The following BANK1 variants were observed in gnomAD, a reference collection of about 807,000 sequenced individuals.
BANK1 encodes B cell scaffold protein with ankyrin repeats 1.
BANK1 carries 95 observed loss-of-function variants against 94.5 expected under a neutral mutation model. That is an observed-to-expected ratio of 1.00 (90% CI 0.85 to 1.19). The LOEUF (loss-of-function observed/expected upper bound fraction) is 1.19. Among genes scored for constraint, BANK1 ranks in the 50% most tolerant of loss-of-function variants. BANK1 has a pLI of 0.00. For missense variants in BANK1, 987 were observed against 932.2 expected, an observed-to-expected ratio of 1.06 and a Z score of -0.77; for synonymous variants, 334 against 308.4, an observed-to-expected ratio of 1.08 and a Z score of -0.87.
At position 101,916,251 on chromosome 4, in the gene BANK1, G is replaced by A. The variant is rs376451607; in HGVS notation, c.1010-1742G>A. Among the ~76,000 whole-genome samples the A allele has an allele frequency of 6.6e-4, 100 of 152,134 alleles. No homozygotes were observed. In the South Asian group the frequency reaches 6.8e-3, roughly 10 times the overall value. Reference sequence around the variant, plus strand: ...CTTAAGAACCACAGATTTAGTGGCTGAGCTGGGATTAGAATGCAGATTTCC... The same window carrying A: ...CTTAAGAACCACAGATTTAGTGGCTAAGCTGGGATTAGAATGCAGATTTCC... On this transcript the variant is annotated intron_variant, in intron 6 of 16. Coordinates refer to ENST00000322953, the MANE Select transcript of BANK1 (RefSeq NM_017935.5).
intron 7 of BANK1, among the ~76,000 whole-genome samples, chr4:101,918,908 A>G (rs919652120): frequency 6.6e-6 from 1 of 151,986 alleles, no homozygotes; most frequent in Admixed American, 6.6e-5. Flanking sequence ...TCCAGAGAGT[A>G]TATTTAAAAT....
intron 6 of BANK1, among the ~76,000 whole-genome samples, chr4:101,908,577 G>A (rs1722548203): frequency 6.6e-6 from 1 of 152,148 alleles, no homozygotes; most frequent in Non-Finnish European, 1.5e-5. Flanking sequence ...AAACCAAAGA[G>A]CTTCTGCACA....
At chr4:101,947,128 G>A (rs1423504061) in intron 7 of BANK1, among the ~76,000 whole-genome samples, 1 of 151,370 alleles carries the variant, frequency 6.6e-6, no homozygotes, top group African/African-American at 2.4e-5. Context: ...AGTATTTGTG[G>A]AGAAATGTGT....
intron 2 of BANK1, among the ~76,000 whole-genome samples, chr4:101,852,126 C>T (rs1263522962): frequency 6.6e-6 from 1 of 151,910 alleles, no homozygotes; most frequent in Non-Finnish European, 1.5e-5. Context: ...TGAGAAACTC[C>T]TCAAAATTTG....
At chr4:101,910,113 G>T (rs910208227) in intron 6 of BANK1, among the ~76,000 whole-genome samples, 14 of 152,088 alleles carry the variant, frequency 9.2e-5, no homozygotes, top group Admixed American at 9.2e-4. Context: ...TCAAACTTTA[G>T]CAGGCTTCAG....
intron 9 of BANK1, among the ~76,000 whole-genome samples, chr4:102,026,961 G>T (rs1210081959): frequency 1.3e-5 from 2 of 152,010 alleles, no homozygotes; most frequent in African/African-American, 4.8e-5. Context: ...TGAAAGCTCT[G>T]AAGCCTAGTG....
intron 5 of BANK1, among the ~76,000 whole-genome samples, chr4:101,888,407 C>T (rs969538481): frequency 6.6e-6 from 1 of 152,180 alleles, no homozygotes; most frequent in African/African-American, 2.4e-5. Flanking sequence ...CTACCTCCCA[C>T]ACACATCACT....
At chr4:102,021,145 C>T (rs1195815405) in intron 7 of BANK1, among the ~76,000 whole-genome samples, 1 of 86,132 alleles carries the variant, frequency 1.2e-5, no homozygotes, top group Non-Finnish European at 2.4e-5. Context: ...ATCTTTTGAA[C>T]TGTAAAAGAT....
chr4:101,865,282 G>A lies in BANK1; in HGVS notation c.763+2618G>A, dbSNP rs1030169968. 5.3e-5 allele frequency among the ~76,000 whole-genome samples: 8 copies of A among 152,142 alleles called. No homozygotes were observed. In the South Asian group the frequency reaches 8.3e-4, roughly 16 times the overall value. On this transcript the variant is annotated intron_variant, in intron 4 of 16. Transcript: ENST00000322953. ...CAGAAGCCACTGGAGCCACAAACTAGTAGGAGCACTTAAGTGTTAATTTTG... is the reference window on the plus strand; with the variant it reads ...CAGAAGCCACTGGAGCCACAAACTAATAGGAGCACTTAAGTGTTAATTTTG...
At chr4:101,990,129 G>A (rs536807910) in intron 7 of BANK1, among the ~76,000 whole-genome samples, 3 of 152,100 alleles carry the variant, frequency 2.0e-5, no homozygotes, top group Non-Finnish European at 4.4e-5. Context: ...CAAAATGTTT[G>A]ACTATGACTT....
intron 2 of BANK1, among the ~76,000 whole-genome samples, chr4:101,853,288 G>A (rs1438551438): frequency 6.6e-6 from 1 of 152,142 alleles, no homozygotes; most frequent in Admixed American, 6.5e-5. Flanking sequence ...CCTCTCAAGG[G>A]AGGCTCTCTT....
chr4:101,827,761 T>C (rs1010469420), intron 1 of BANK1, among the ~76,000 whole-genome samples: 2 of 151,972 alleles, frequency 1.3e-5, no homozygotes, highest in African/African-American at 4.8e-5. Flanking sequence ...ATAGTGAAAA[T>C]CAACAGTTCT....
chr4:101,928,825 C>T (rs942024027), intron 7 of BANK1, among the ~76,000 whole-genome samples: 23 of 151,338 alleles, frequency 1.5e-4, no homozygotes, highest in African/African-American at 5.4e-4. Context: ...CAGCGCCTGG[C>T]GCTGAACATT....
chr4:101,838,752 T>G (rs1045978435), intron 2 of BANK1, among the ~76,000 whole-genome samples: 4 of 152,220 alleles, frequency 2.6e-5, no homozygotes, highest in African/African-American at 9.6e-5. Context: ...ATCATACCTT[T>G]GAGCTGTGTT....
intron 12 of BANK1, 125 bp downstream of exon 12, chr4:102,060,514 A>G: frequency 2.0e-6 from 2 of 1,012,188 alleles, no homozygotes; most frequent in Non-Finnish European, 2.8e-6. Flanking sequence ...ACTAAGGAAG[A>G]TACTTCAAGA....
chr4:101,939,079 A>T (rs1723661852), intron 7 of BANK1, among the ~76,000 whole-genome samples: 1 of 151,632 alleles, frequency 6.6e-6, no homozygotes, highest in South Asian at 2.1e-4. Flanking sequence ...AATATTTTGA[A>T]TTTTTGTCAT....
intron 7 of BANK1, among the ~76,000 whole-genome samples, chr4:102,011,671 A>C (rs1726517695): frequency 6.6e-6 from 1 of 151,940 alleles, no homozygotes; most frequent in South Asian, 2.1e-4. Context: ...ATGTGGGGGG[A>C]AGTATGTTTC....
chr4:101,868,357 A>G (rs1216475938), intron 4 of BANK1, among the ~76,000 whole-genome samples: 4 of 152,010 alleles, frequency 2.6e-5, no homozygotes, highest in Non-Finnish European at 4.4e-5. Context: ...TTAGAAAAAG[A>G]AAAATTATCA....
At chr4:102,046,402 C>T (rs1162245697) in intron 11 of BANK1, among the ~76,000 whole-genome samples, 1 of 151,938 alleles carries the variant, frequency 6.6e-6, no homozygotes. Flanking sequence ...ATGAAATAAC[C>T]TTATCAGAAT....
Sources: allele counts gnomAD v4.1 joint callset (sites outside exome capture counted in the v4.1 genomes callset), GRCh38; gene constraint gnomAD v4.1.1; transcripts MANE v1.5; gene names NCBI Gene and HGNC (gene_info 2026-07-23, HGNC 2026-07-21).